Variants in PTPN3 observed in about 807,000 individuals in gnomAD.
PTPN3 encodes tyrosine-protein phosphatase non-receptor type 3.
A neutral mutation model predicts 132.7 loss-of-function variants in PTPN3; 96 were observed. That is an observed-to-expected ratio of 0.72 (90% confidence interval 0.61 to 0.86). The LOEUF (loss-of-function observed/expected upper bound fraction) is 0.86. Among genes scored for constraint, PTPN3 ranks in the 40% least tolerant of loss-of-function variants. The pLI is 0.00. For missense variants in PTPN3, 1,125 were observed against 1,159.6 expected, an observed-to-expected ratio of 0.97 and a Z score of 0.43; for synonymous variants, 398 against 429.0, an observed-to-expected ratio of 0.93 and a Z score of 0.89.
chr9:109,537,015 G>A, the PTPN3 span, among the ~76,000 whole-genome samples: 1 of 152,046 alleles, frequency 6.6e-6, no homozygotes, highest in Admixed American at 6.6e-5. Flanking sequence ...AAGGGTGCAG[G>A]GCAGGGCATG....
At chr9:109,511,071 T>G in the PTPN3 span, among the ~76,000 whole-genome samples, 2 of 152,148 alleles carry the variant, frequency 1.3e-5, no homozygotes, top group South Asian at 2.1e-4. Flanking sequence ...TAGGGGCATA[T>G]TTTTATATCA....
At chr9:109,454,658 A>G (rs1845468664) in intron 4 of PTPN3, 84 bp from the exon 5 acceptor site, 5 of 1,014,608 alleles carry the variant, frequency 4.9e-6, no homozygotes, top group Admixed American at 1.9e-5. Flanking sequence ...TAAGTGATGC[A>G]TTTTTTCACT....
chr9:109,467,782 C>T (rs1236137008), intron 1 of PTPN3, among the ~76,000 whole-genome samples: 1 of 152,170 alleles, frequency 6.6e-6, no homozygotes, highest in Non-Finnish European at 1.5e-5. Context: ...ATTCATTTCA[C>T]CGTGGTTAGC....
At chr9:109,526,742 T>G in the PTPN3 span, among the ~76,000 whole-genome samples, 1 of 152,138 alleles carries the variant, frequency 6.6e-6, no homozygotes, top group Non-Finnish European at 1.5e-5. Flanking sequence ...TAGAAGAAGA[T>G]GAACAGAGGA....
rs1294385562 is a variant in PTPN3, at chr9:109,379,009, G to C, written c.*547C>G. The C allele has an allele frequency of 1.3e-5, 2 of 152,388 alleles. No individual in the cohort carries two copies. The highest frequency in any genetic ancestry group is 2.4e-5 in the African/African-American group (1 of 41,432). 9.4% of individuals were successfully genotyped at this position (152,388 alleles called of 1,614,324 possible). A position where few individuals can be genotyped will look rare whatever the true frequency, so the allele number is the denominator to read the frequency against. On this transcript the variant is annotated 3_prime_UTR_variant, in exon 26 of 26. Transcript: ENST00000374541. ...GGGACAAAGGGAGGGAGGGCAGAGAGGTGTTGCTCAGCCTTCAGCCTGACC... is the reference window on the plus strand; with the variant it reads ...GGGACAAAGGGAGGGAGGGCAGAGACGTGTTGCTCAGCCTTCAGCCTGACC...
At chr9:109,504,145 G>C in the PTPN3 span, among the ~76,000 whole-genome samples, 1 of 152,194 alleles carries the variant, frequency 6.6e-6, no homozygotes, top group Non-Finnish European at 1.5e-5. Context: ...GCGGGTATCT[G>C]GGGGAAGAAT....
At chr9:109,383,662 A>G in intron 22 of PTPN3, 111 bp from the exon 23 acceptor site, 1 of 1,429,290 alleles carries the variant, frequency 7.0e-7, no homozygotes, top group Non-Finnish European at 9.5e-7. Flanking sequence ...ACCCGAGAGC[A>G]CTGATGGGAG....
chr9:109,468,806 T>C (rs1846230786), intron 1 of PTPN3, among the ~76,000 whole-genome samples: 1 of 152,258 alleles, frequency 6.6e-6, no homozygotes, highest in Non-Finnish European at 1.5e-5. Flanking sequence ...GTGGGACACA[T>C]ACCAGGCACT....
chr9:109,403,471 T>C (rs1841313602), intron 19 of PTPN3, among the ~76,000 whole-genome samples: 1 of 152,234 alleles, frequency 6.6e-6, no homozygotes, highest in African/African-American at 2.4e-5. Context: ...TTTTCTTTTG[T>C]TGACCTATTT....
At chr9:109,401,095 C>CTTAAT (rs753441159) in intron 19 of PTPN3, among the ~76,000 whole-genome samples, 1 of 152,328 alleles carries the variant, frequency 6.6e-6, no homozygotes, top group East Asian at 1.9e-4. Flanking sequence ...GGGTTTCCTA[C>CTTAAT]TTAAATATCC....
intron 2 of PTPN3, among the ~76,000 whole-genome samples, chr9:109,461,319 C>G (rs1014332589): frequency 6.6e-6 from 1 of 152,150 alleles, no homozygotes; most frequent in African/African-American, 2.4e-5. Flanking sequence ...TTTCAAAACA[C>G]CCAGGCAGGA....
chr9:109,446,548 G>T (rs1156586900), intron 6 of PTPN3, among the ~76,000 whole-genome samples: 2 of 152,142 alleles, frequency 1.3e-5, no homozygotes, highest in African/African-American at 4.8e-5. Flanking sequence ...TCGTGGGGAG[G>T]ATAGGCAGAA....
At chr9:109,407,470 G>A (rs1279859390) in intron 17 of PTPN3, among the ~76,000 whole-genome samples, 1 of 152,190 alleles carries the variant, frequency 6.6e-6, no homozygotes, top group Non-Finnish European at 1.5e-5. Context: ...AAGACATCAT[G>A]TTGTACACCT....
At chr9:109,424,056 T>C (rs1843071273) in intron 12 of PTPN3, among the ~76,000 whole-genome samples, 1 of 152,110 alleles carries the variant, frequency 6.6e-6, no homozygotes, top group Non-Finnish European at 1.5e-5. Flanking sequence ...GAAACCACAC[T>C]GCCAGTGATG....
At chr9:109,533,503 T>C in the PTPN3 span, 244,473 of 1,587,614 alleles carry the variant, frequency 0.15, 20,882 homozygotes, top group South Asian at 0.21. Context: ...GACGTTGAGG[T>C]GGCTGCTGAC....
chr9:109,534,268 C>G, the PTPN3 span: 1 of 1,547,442 alleles, frequency 6.5e-7, no homozygotes, highest in Non-Finnish European at 8.7e-7. Context: ...GTCACCGGCG[C>G]TGAGGGCGGG....
At chr9:109,400,547 C>T (rs1378881469) in intron 19 of PTPN3, among the ~76,000 whole-genome samples, 1 of 152,104 alleles carries the variant, frequency 6.6e-6, no homozygotes, top group African/African-American at 2.4e-5. Flanking sequence ...TTCTATTATT[C>T]TAATAACAAC....
rs757558061 is a variant in PTPN3 at position 109,381,677 on chromosome 9, T to C, written c.2639A>G (p.Gln880Arg). Residue 880 changes from glutamine to arginine, a missense_variant, in exon 25 of 26, where the codon CAG (glutamine) becomes CGG (arginine). Coordinates refer to ENST00000374541, the MANE Select transcript of PTPN3 (RefSeq NM_002829.4). ...PLDIVRKMRD[Q>R]RAMMVQTSSQ... ...TGATGTCTGCACCATCATGGCGCGC[T>C]GGTCTCGCATTTTTCGGACAATATC... 5 of 1,614,094 alleles carry C rather than the reference T, an allele frequency of 3.1e-6. No homozygotes were observed. Among genetic ancestry groups the C allele is most frequent in the Non-Finnish European group, 4.2e-6 (5 of 1,179,920 alleles).
chr9:109,430,618 T>G (rs1210370360), intron 10 of PTPN3, among the ~76,000 whole-genome samples: 1 of 152,074 alleles, frequency 6.6e-6, no homozygotes, highest in Non-Finnish European at 1.5e-5. Context: ...GAAGAGGACA[T>G]GGAGCCACTG....
Sources: gnomAD v4.1 joint callset for allele counts (sites outside exome capture counted in the v4.1 genomes callset) on GRCh38, gnomAD v4.1.1 for gene constraint, MANE v1.5 for transcripts, NCBI Gene and HGNC (gene_info 2026-07-23, HGNC 2026-07-21) for gene names.